Variants in KCTD1 observed in about 807,000 individuals in gnomAD.
KCTD1 encodes the protein potassium channel tetramerization domain containing 1, also known as BTB/POZ domain-containing protein KCTD1.
Under a neutral mutation model 66.0 loss-of-function variants are expected in KCTD1, and 24 were observed. That is an observed-to-expected ratio of 0.36 (90% CI 0.26 to 0.51). KCTD1 has a LOEUF of 0.51. KCTD1 is among the 20% of genes least tolerant of loss of function. The probability of loss-of-function intolerance (pLI) is 0.95; values close to 1 mark genes in which losing one functional copy is unlikely to be tolerated. For synonymous variants in KCTD1, 511 were observed against 517.2 expected (o/e 0.99, Z 0.16); for missense variants, 943 against 1,205.2 (o/e 0.78, Z 3.22).
At chr18:26,609,543 CT>C (rs1344017290) in intron 1 of KCTD1, among the ~76,000 whole-genome samples, 1 of 152,182 alleles carries the variant, frequency 6.6e-6, no homozygotes, top group African/African-American at 2.4e-5. Flanking sequence ...GTTCTTTGTT[CT>C]TTAAAATCCT....
intron 1 of KCTD1, chr18:26,599,350 G>T: frequency 6.5e-7 from 1 of 1,546,764 alleles, no homozygotes. Flanking sequence ...CCAGGTGGCA[G>T]TCTTGATTCT....
chr18:26,595,683 A>G (rs955860049), intron 1 of KCTD1, among the ~76,000 whole-genome samples: 4 of 152,172 alleles, frequency 2.6e-5, no homozygotes, highest in African/African-American at 9.7e-5. Flanking sequence ...TTGGGCTTCC[A>G]TTTACTTTTA....
chr18:26,559,854 C>G (rs969155313), intron 1 of KCTD1, among the ~76,000 whole-genome samples: 1 of 152,114 alleles, frequency 6.6e-6, no homozygotes, highest in Non-Finnish European at 1.5e-5. Flanking sequence ...CTAGGAGGGT[C>G]GAAAGCAGCG....
chr18:26,504,297 T>G (rs951620450), intron 1 of KCTD1, among the ~76,000 whole-genome samples: 9 of 152,174 alleles, frequency 5.9e-5, no homozygotes, highest in African/African-American at 2.2e-4. Flanking sequence ...TGGTGCAATT[T>G]CAGTTCATTG....
chr18:26,617,849 AAGGGAGGG>A (rs56029109), intron 1 of KCTD1, among the ~76,000 whole-genome samples: 4,005 of 104,848 alleles, frequency 0.038, 303 homozygotes, highest in African/African-American at 0.16. Context: ...GGAAGGAAGG[AAGGGAGGG>A]AGGGAGGGAG....
chr18:26,624,630 A>C (rs561222184), intron 1 of KCTD1, among the ~76,000 whole-genome samples: 1 of 152,376 alleles, frequency 6.6e-6, no homozygotes, highest in South Asian at 2.1e-4. Context: ...CTGGATGTCC[A>C]GGCAGAAGTT....
At chr18:26,556,396 G>GGGTCACATGGTGTCATTACTCCCAGTAAA (rs1283407213) in intron 1 of KCTD1, among the ~76,000 whole-genome samples, 21 of 152,110 alleles carry the variant, frequency 1.4e-4, no homozygotes, top group Non-Finnish European at 2.1e-4. Flanking sequence ...GATACCCCAG[G>GGGTCACATGGTGTCATTACTCCCAGTAAA]GGTCACATGG....
chr18:26,455,484 C>CTT lies in KCTD1; in HGVS notation c.*257_*258dup, dbSNP rs55728005. The stretch of plus-strand genomic sequence containing the variant: ...TCACAGCACCAACTGCGGCTGTCAC[C>CTT]TTTTTTTTTTTTCTTTTTTGCATTT... On this transcript the variant is annotated 3_prime_UTR_variant, in exon 5 of 5. Transcript: ENST00000580059. 2.3e-3 allele frequency: 406 copies of CTT among 180,066 alleles called. No homozygotes were observed. Among genetic ancestry groups the CTT allele is most frequent in the Non-Finnish European group, 3.2e-3 (296 of 92,618 alleles). The allele number at this position is 180,066 out of a possible 1,614,324, so 11.2% of individuals were successfully genotyped here. A position where few individuals can be genotyped will look rare whatever the true frequency, so the allele number is the denominator to read the frequency against.
chr18:26,484,421 T>A (rs1166634997), intron 2 of KCTD1, among the ~76,000 whole-genome samples: 1 of 152,050 alleles, frequency 6.6e-6, no homozygotes, highest in Admixed American at 6.5e-5. Flanking sequence ...AAGTTTGAAA[T>A]ATAAGAAAAA....
At chr18:26,575,617 G>C (rs1340098900) in intron 1 of KCTD1, 1 of 152,256 alleles carries the variant, frequency 6.6e-6, no homozygotes, top group Non-Finnish European at 1.5e-5. Context: ...TAGCCTGCCA[G>C]CTAGAAAGGG....
At chr18:26,561,245 A>G (rs1985841390) in intron 1 of KCTD1, among the ~76,000 whole-genome samples, 1 of 152,224 alleles carries the variant, frequency 6.6e-6, no homozygotes, top group Non-Finnish European at 1.5e-5. Flanking sequence ...AAGAAAACAC[A>G]TAAAATCATT....
chr18:26,536,943 G>A (rs1567984866), intron 1 of KCTD1, among the ~76,000 whole-genome samples: 1 of 149,592 alleles, frequency 6.7e-6, no homozygotes. Context: ...AAACCCACGA[G>A]ACACATTCCT....
intron 1 of KCTD1, among the ~76,000 whole-genome samples, chr18:26,615,020 C>G (rs1987219151): frequency 6.6e-6 from 1 of 152,216 alleles, no homozygotes; most frequent in Non-Finnish European, 1.5e-5. Flanking sequence ...TAGGAAGGCT[C>G]TTGATCTGGT....
chr18:26,546,899 G>A lies in KCTD1; in HGVS notation c.1638C>T (p.Ile546=). ...GTCTTTTGGGGGAAGTGGGGCCGCA[G>A]ATTTCCCCCGACCCGAACACAGACT... is the stretch of plus-strand genomic sequence containing the variant. ...LYESVFGSGE[I]CGPTSPKRLC... Residue 546 remains isoleucine (I), a synonymous_variant, in exon 1 of 5, where the codon ATC becomes ATT. Transcript: ENST00000580059. 1 of 1,484,652 alleles carries A rather than the reference G, an allele frequency of 6.7e-7. No individual in the cohort carries two copies. The highest frequency in any genetic ancestry group is 1.4e-5 in the South Asian group (1 of 71,454). The allele number at this position is 1,484,652 out of a possible 1,614,324, so 92.0% of individuals were successfully genotyped here.
chr18:26,649,382 T>C (rs1987985874), intron 1 of KCTD1, among the ~76,000 whole-genome samples: 1 of 152,166 alleles, frequency 6.6e-6, no homozygotes, highest in Admixed American at 6.5e-5. Context: ...GATAACAAGG[T>C]CTGCTTTCTT....
At chr18:26,600,883 A>G (rs1986878892) in intron 1 of KCTD1, among the ~76,000 whole-genome samples, 1 of 151,850 alleles carries the variant, frequency 6.6e-6, no homozygotes, top group Non-Finnish European at 1.5e-5. Context: ...ATCCCCAACC[A>G]CATTTTACTG....
At position 26,455,612 on chromosome 18, in the gene KCTD1, A is replaced by C; in HGVS notation, c.*131T>G. On this transcript the variant is annotated 3_prime_UTR_variant, in exon 5 of 5. Coordinates refer to ENST00000580059, the MANE Select transcript of KCTD1 (RefSeq NM_001142730.3). ...TGAATACAGGTGTGGTCTCTATTGG[A>C]TATAAATGTGTCTTTTATTCGATTT... The C allele has an allele frequency of 1.9e-6, 2 of 1,053,104 alleles. No homozygotes were observed. The highest frequency in any genetic ancestry group is 1.4e-6 in the Non-Finnish European group (1 of 703,450). 65.2% of individuals were successfully genotyped at this position (1,053,104 alleles called of 1,614,324 possible). A position where few individuals can be genotyped will look rare whatever the true frequency, so the allele number is the denominator to read the frequency against.
At chr18:26,584,505 T>G (rs1235433350) in intron 1 of KCTD1, among the ~76,000 whole-genome samples, 1 of 152,200 alleles carries the variant, frequency 6.6e-6, no homozygotes, top group Non-Finnish European at 1.5e-5. Flanking sequence ...TAGTGCTAAG[T>G]TAGGGGGTTT....
upstream of KCTD1, chr18:26,549,682 C>A: frequency 1.0e-6 from 1 of 979,482 alleles, no homozygotes; most frequent in Non-Finnish European, 1.2e-6. Flanking sequence ...TCGGCCGACC[C>A]TGCCGCAGCC....
Sources: allele counts gnomAD v4.1 joint callset (sites outside exome capture counted in the v4.1 genomes callset), GRCh38; gene constraint gnomAD v4.1.1; transcripts MANE v1.5; gene names NCBI Gene and HGNC (gene_info 2026-07-23, HGNC 2026-07-21).